The following ANK3 variants were observed in gnomAD, a reference collection of about 807,000 sequenced individuals.
ANK3 encodes ankyrin 3.
ANK3 carries 57 observed loss-of-function variants against 370.9 expected under a neutral mutation model. The observed-to-expected ratio is 0.15, with a 90% confidence interval of 0.12 to 0.19. The LOEUF is 0.19. Ranked by LOEUF, ANK3 falls within the 10% of genes least tolerant of loss-of-function variation. The pLI, the probability that ANK3 is intolerant of heterozygous loss-of-function variation, is 1.00. For synonymous variants in ANK3, 1,929 were observed against 1,946.3 expected (o/e 0.99, Z 0.23); for missense variants, 4,439 against 5,302.1 (o/e 0.84, Z 5.06).
chr10:60,360,333 C>T (rs1474411074), intron 1 of ANK3, among the ~76,000 whole-genome samples: 2 of 152,164 alleles, frequency 1.3e-5, no homozygotes, highest in African/African-American at 4.8e-5. Context: ...GGTCAAGAAA[C>T]TTACAGTGGG....
At chr10:60,407,838 A>C (rs1245753823) in intron 2 of ANK3, among the ~76,000 whole-genome samples, 1 of 152,236 alleles carries the variant, frequency 6.6e-6, no homozygotes, top group African/African-American at 2.4e-5. Flanking sequence ...GCCCCTTTGA[A>C]GCAATGCAAA....
At chr10:60,053,147 A>G (rs1366875232) in intron 42 of ANK3, among the ~76,000 whole-genome samples, 1 of 152,216 alleles carries the variant, frequency 6.6e-6, no homozygotes, top group Non-Finnish European at 1.5e-5. Flanking sequence ...TAGGAGACTT[A>G]GAATGATTTA....
intron 36 of ANK3, among the ~76,000 whole-genome samples, chr10:60,077,013 T>G (rs1430160341): frequency 6.6e-6 from 1 of 152,196 alleles, no homozygotes; most frequent in African/African-American, 2.4e-5. Flanking sequence ...TAAAACTTTT[T>G]TCCAAAACCA....
intron 41 of ANK3, among the ~76,000 whole-genome samples, chr10:60,058,922 T>C (rs904056495): frequency 6.6e-6 from 1 of 152,242 alleles, no homozygotes; most frequent in East Asian, 1.9e-4. Flanking sequence ...ACCCAGCTGA[T>C]TTTTGTATTT....
intron 25 of ANK3, among the ~76,000 whole-genome samples, chr10:60,131,344 G>A (rs1195433251): frequency 6.6e-6 from 1 of 152,154 alleles, no homozygotes; most frequent in Non-Finnish European, 1.5e-5. Context: ...TAAACATGCT[G>A]GTTCCACAAG....
At chr10:60,152,810 C>T (rs2095191119) in intron 23 of ANK3, among the ~76,000 whole-genome samples, 1 of 152,110 alleles carries the variant, frequency 6.6e-6, no homozygotes, top group East Asian at 1.9e-4. Context: ...ACATCCCCCA[C>T]CCCAAACACA....
intron 1 of ANK3, among the ~76,000 whole-genome samples, chr10:60,374,801 C>A (rs111750020): frequency 0.017 from 2,564 of 152,092 alleles, 70 homozygotes; most frequent in African/African-American, 0.059. Context: ...ATAAGAGATT[C>A]GTTGGTACTT....
intron 8 of ANK3, among the ~76,000 whole-genome samples, chr10:60,225,770 T>A (rs2097129882): frequency 6.6e-6 from 1 of 152,034 alleles, no homozygotes; most frequent in Admixed American, 6.6e-5. Flanking sequence ...CCTTATGTTA[T>A]TTGTATTGTA....
chr10:60,118,676 AGTGG>A (rs1442354844), intron 25 of ANK3, among the ~76,000 whole-genome samples: 1 of 152,078 alleles, frequency 6.6e-6, no homozygotes, highest in Admixed American at 6.5e-5. Flanking sequence ...GCATGAGTGG[AGTGG>A]AGGGCAAGCT....
chr10:60,226,545 ATATACTATAGTATATATACATAG>A, intron 8 of ANK3, among the ~76,000 whole-genome samples: 1 of 19,356 alleles, frequency 5.2e-5, no homozygotes, highest in Non-Finnish European at 9.7e-5. Context: ...TACATAGTAT[ATATACTATAGTATATATACATAG>A]TATATGTATA....
intron 34 of ANK3, 159 bp downstream of exon 34, chr10:60,082,456 A>C (rs2085505391): frequency 1.0e-6 from 1 of 987,856 alleles, no homozygotes; most frequent in Non-Finnish European, 1.5e-6. Flanking sequence ...TAAGAATTTG[A>C]CACCACATTA....
chr10:60,400,792 G>A (rs2063337679), intron 2 of ANK3, among the ~76,000 whole-genome samples: 1 of 152,068 alleles, frequency 6.6e-6, no homozygotes, highest in Non-Finnish European at 1.5e-5. Flanking sequence ...GTGGTTTGCT[G>A]CACCTATCAA....
intron 1 of ANK3, among the ~76,000 whole-genome samples, chr10:60,618,300 C>T (rs867408236): frequency 1.3e-5 from 2 of 152,048 alleles, no homozygotes; most frequent in Non-Finnish European, 2.9e-5. Flanking sequence ...CCTTATAAAA[C>T]GTCTTCTAAT....
intron 36 of ANK3, among the ~76,000 whole-genome samples, chr10:60,077,554 A>T (rs1338041537): frequency 6.6e-6 from 1 of 152,220 alleles, no homozygotes; most frequent in Non-Finnish European, 1.5e-5. Context: ...TTTTAGGAAA[A>T]TATTTTCTAC....
At chr10:60,716,743 T>C (rs971277887) in intron 1 of ANK3, among the ~76,000 whole-genome samples, 1 of 152,138 alleles carries the variant, frequency 6.6e-6, no homozygotes, top group Non-Finnish European at 1.5e-5. Flanking sequence ...CTCAAACTCC[T>C]GCGCTCAAGT....
chr10:60,336,109 C>A (rs2052795109), intron 1 of ANK3, among the ~76,000 whole-genome samples: 1 of 151,588 alleles, frequency 6.6e-6, no homozygotes, highest in East Asian at 1.9e-4. Flanking sequence ...GAAGCTGGTG[C>A]CAAGGAGCAG....
intron 1 of ANK3, among the ~76,000 whole-genome samples, chr10:60,621,750 T>C (rs906842894): frequency 1.3e-5 from 2 of 152,156 alleles, no homozygotes; most frequent in Admixed American, 1.3e-4. Context: ...ATTCGAGCAA[T>C]ATAATGAGGC....
chr10:60,449,425 G>A (rs1938988242), intron 2 of ANK3, among the ~76,000 whole-genome samples: 1 of 152,158 alleles, frequency 6.6e-6, no homozygotes, highest in Non-Finnish European at 1.5e-5. Context: ...CATATTTCAA[G>A]TGTTCAGTAG....
intron 2 of ANK3, among the ~76,000 whole-genome samples, chr10:60,443,552 T>G (rs551644641): frequency 3.2e-4 from 49 of 152,274 alleles, no homozygotes; most frequent in African/African-American, 1.2e-3. Flanking sequence ...ATAAACTCCT[T>G]CATTTCAGAA....
Sources: allele counts gnomAD v4.1 joint callset (sites outside exome capture counted in the v4.1 genomes callset), GRCh38; gene constraint gnomAD v4.1.1; transcripts MANE v1.5; gene names NCBI Gene and HGNC (gene_info 2026-07-23, HGNC 2026-07-21).